Variants in HDGFL3 observed in about 807,000 individuals in gnomAD.
HDGFL3 encodes the protein HDGF like 3.
HDGFL3 carries 6 observed loss-of-function variants against 27.6 expected under a neutral mutation model. The observed-to-expected ratio is 0.22, with a 90% CI of 0.12 to 0.43. The LOEUF is 0.43. Ranked by LOEUF, HDGFL3 falls within the 20% of genes least tolerant of loss-of-function variation. The probability of loss-of-function intolerance (pLI) is 1.00; values close to 1 mark genes in which losing one functional copy is unlikely to be tolerated. For synonymous variants in HDGFL3, 88 were observed against 88.9 expected (o/e 0.99, Z 0.05); for missense variants, 207 against 250.1 (o/e 0.83, Z 1.16).
chr15:83,152,145 G>A (rs1489438877), intron 4 of HDGFL3, among the ~76,000 whole-genome samples: 1 of 152,370 alleles, frequency 6.6e-6, no homozygotes, highest in South Asian at 2.1e-4. Context: ...CTTCAAGCAC[G>A]TTGCAAGTAA....
intron 1 of HDGFL3, among the ~76,000 whole-genome samples, chr15:83,199,542 T>C (rs959011238): frequency 6.6e-6 from 1 of 152,172 alleles, no homozygotes; most frequent in African/African-American, 2.4e-5. Flanking sequence ...ACAGGCAACC[T>C]GGCAGCTACC....
intron 1 of HDGFL3, among the ~76,000 whole-genome samples, chr15:83,166,173 C>G (rs938149321): frequency 6.6e-6 from 1 of 152,012 alleles, no homozygotes; most frequent in African/African-American, 2.4e-5. Flanking sequence ...AACATCAACT[C>G]TAAAGAAAAA....
intron 1 of HDGFL3, among the ~76,000 whole-genome samples, chr15:83,182,310 G>T (rs1238404548): frequency 6.6e-6 from 1 of 152,066 alleles, no homozygotes; most frequent in African/African-American, 2.4e-5. Context: ...AAACTAAAGT[G>T]TTATAATGCT....
At chr15:83,180,794 C>T (rs979034794) in intron 1 of HDGFL3, 1 of 152,022 alleles carries the variant, frequency 6.6e-6, no homozygotes, top group African/African-American at 2.4e-5. Flanking sequence ...TACAAGCACA[C>T]ACCACCATGG....
At chr15:83,153,110 C>T (rs920339968) in intron 4 of HDGFL3, among the ~76,000 whole-genome samples, 4 of 151,534 alleles carry the variant, frequency 2.6e-5, no homozygotes, top group Non-Finnish European at 4.4e-5. Context: ...TGCCATTCTC[C>T]TGCCTTAGCC....
intron 1 of HDGFL3, among the ~76,000 whole-genome samples, chr15:83,170,835 T>A (rs2037236384): frequency 7.9e-6 from 1 of 127,236 alleles, no homozygotes. Context: ...AACAAAGGTG[T>A]AATATCCAGA....
rs148190611 is a variant in HDGFL3, at chr15:83,155,823, T to C, written c.459+1592A>G. 7.2e-3 allele frequency among the ~76,000 whole-genome samples: 1,097 copies of C among 152,344 alleles called. 10 individuals carry two copies. Among genetic ancestry groups the C allele is most frequent in the African/African-American group, 0.025 (1,030 of 41,580 alleles). On this transcript the variant is annotated intron_variant, in intron 4 of 5. Transcript: ENST00000299633. ...AGTAATTTATCCAGGTATTCAATCA[T>C]GTGACAGACCAATTATAGTGAAACC...
intron 4 of HDGFL3, 168 bp downstream of exon 4, chr15:83,157,247 A>G: frequency 1.5e-6 from 1 of 671,470 alleles, no homozygotes; most frequent in Admixed American, 2.8e-5. Flanking sequence ...AGATTGCTCT[A>G]ATATCTAAGG....
In HDGFL3 at chr15:83,207,795, G is replaced by A. The variant is rs1053489271; in HGVS notation, c.-381C>T. ...GCTCCCGGGCGCGGCGCGAGCGCCG[G>A]GCCTCGCGTCTGCTCCGAATTCCTT... On this transcript the variant is annotated 5_prime_UTR_variant, in exon 1 of 6. Transcript: ENST00000299633. This position sits in a 1 kb window ranked among gnomAD's most constrained non-coding sequence, Gnocchi z 4.8. 2 of 150,218 alleles carry A rather than the reference G, an allele frequency of 1.3e-5. No individual in the cohort carries two copies. Among genetic ancestry groups the A allele is most frequent in the Admixed American group, 1.3e-4 (2 of 15,098 alleles). 9.3% of individuals were successfully genotyped at this position (150,218 alleles called of 1,614,324 possible). A position where few individuals can be genotyped will look rare whatever the true frequency, so the allele number is the denominator to read the frequency against.
At chr15:83,144,830 A>C in intron 5 of HDGFL3, 1 of 309,318 alleles carries the variant, frequency 3.2e-6, no homozygotes, top group Non-Finnish European at 6.3e-6. Flanking sequence ...TGAAAAGATG[A>C]GATAATAAAT....
intron 3 of HDGFL3, among the ~76,000 whole-genome samples, chr15:83,121,015 C>T (rs2035187492): frequency 6.6e-6 from 1 of 152,042 alleles, no homozygotes; most frequent in Non-Finnish European, 1.5e-5. Context: ...TTTTGAATTT[C>T]TCATAGCCTG....
chr15:83,167,330 G>C lies in HDGFL3; in HGVS notation c.85-3255C>G, dbSNP rs181455854. ...CAACACTTTGGGAAGCCGAGGCAGG[G>C]GGATCACCCGAGGTCAGGAGATCGA... On this transcript the variant is annotated intron_variant, in intron 1 of 5. Coordinates refer to ENST00000299633, the MANE Select transcript of HDGFL3 (RefSeq NM_016073.4). Among the ~76,000 whole-genome samples, 812 of 152,214 alleles carry C rather than the reference G, an allele frequency of 5.3e-3. 8 individuals are homozygous for C. The highest frequency in any genetic ancestry group is 0.019 in the African/African-American group (771 of 41,534).
chr15:83,158,164 C>G, intron 2 of HDGFL3, 123 bp from the exon 3 acceptor site: 1 of 772,944 alleles, frequency 1.3e-6, no homozygotes, highest in Non-Finnish European at 2.0e-6. Context: ...TACATATAAA[C>G]CCTTCAAGTT....
chr15:83,162,002 C>T (rs1451728770), intron 2 of HDGFL3, among the ~76,000 whole-genome samples: 2 of 152,146 alleles, frequency 1.3e-5, no homozygotes, highest in African/African-American at 4.8e-5. Context: ...GATTCAAAGT[C>T]ATGTTCTGAG....
At chr15:83,167,161 C>A (rs570772700) in intron 1 of HDGFL3, among the ~76,000 whole-genome samples, 3 of 152,264 alleles carry the variant, frequency 2.0e-5, no homozygotes, top group Non-Finnish European at 2.9e-5. Flanking sequence ...TAAGCTCGAA[C>A]TAAAGGTTTG....
downstream of HDGFL3, among the ~76,000 whole-genome samples, chr15:83,123,646 CCTT>C (rs1264248124): frequency 6.6e-6 from 1 of 152,098 alleles, no homozygotes; most frequent in Non-Finnish European, 1.5e-5. Context: ...CATTTAGACA[CCTT>C]CTATGTAAAC....
At chr15:83,126,274 A>C (rs1416657882), downstream of HDGFL3, among the ~76,000 whole-genome samples, 1 of 152,192 alleles carries the variant, frequency 6.6e-6, no homozygotes, top group Non-Finnish European at 1.5e-5. Context: ...CTTTCCAGCA[A>C]GAGGACCCTG....
In HDGFL3 at chr15:83,136,860, G is replaced by GA. The variant is rs2036646801; in HGVS notation, c.*2409dup. Reference sequence around the variant, plus strand: ...TTTGAAGGAAAATGGAAATTCTTGAGAAACAGTTTGTTTAAAGAAATATAT... The same window carrying GA: ...TTTGAAGGAAAATGGAAATTCTTGAGAAAACAGTTTGTTTAAAGAAATATAT... On this transcript the variant is annotated 3_prime_UTR_variant, in exon 6 of 6. Coordinates refer to ENST00000299633, the MANE Select transcript of HDGFL3 (RefSeq NM_016073.4). The GA allele has an allele frequency of 2.4e-6, 1 of 408,610 alleles. No individual in the cohort carries two copies. Among genetic ancestry groups the GA allele is most frequent in the East Asian group, 3.7e-5 (1 of 27,224 alleles). 25.3% of individuals were successfully genotyped at this position (408,610 alleles called of 1,614,324 possible).
chr15:83,157,302 CTCCATAGAAT>C (rs2037043146), intron 4 of HDGFL3, 103 bp downstream of exon 4: 5 of 1,053,740 alleles, frequency 4.7e-6, no homozygotes, highest in Admixed American at 2.1e-5. Context: ...AAGGCAGAGG[CTCCATAGAAT>C]TTAGTATATT....
Sources: allele counts gnomAD v4.1 joint callset (sites outside exome capture counted in the v4.1 genomes callset), GRCh38; gene constraint gnomAD v4.1.1; non-coding constraint Gnocchi (gnomAD v3.1); transcripts MANE v1.5; gene names NCBI Gene and HGNC (gene_info 2026-07-23, HGNC 2026-07-21).